The following KLRG1 variants were observed in gnomAD, a reference collection of about 807,000 sequenced individuals.
KLRG1 encodes killer cell lectin-like receptor subfamily G member 1.
Under a neutral mutation model 21.8 loss-of-function variants are expected in KLRG1, and 16 were observed. The ratio of observed to expected loss-of-function variants is 0.73; its 90% CI spans 0.50 to 1.11. The LOEUF (loss-of-function observed/expected upper bound fraction) is 1.11. KLRG1 is among the 50% of genes most tolerant of loss of function. The pLI, the probability that KLRG1 is intolerant of heterozygous loss-of-function variation, is 0.00. For missense variants in KLRG1, 173 were observed against 218.3 expected (o/e 0.79, Z 1.31); for synonymous variants, 69 against 75.9 (o/e 0.91, Z 0.47).
intron 3 of KLRG1, among the ~76,000 whole-genome samples, chr12:8,997,643 C>T (rs1363538695): frequency 6.6e-6 from 1 of 152,164 alleles, no homozygotes; most frequent in Non-Finnish European, 1.5e-5. Flanking sequence ...CCCTCTTATG[C>T]TGTTAAACGG....
chr12:9,010,727 A>G lies in KLRG1; in HGVS notation c.*1190A>G, dbSNP rs1285481583. The G allele has an allele frequency of 6.6e-6, 1 of 152,236 alleles. No homozygotes were observed. The highest frequency in any genetic ancestry group is 1.5e-5 in the Non-Finnish European group (1 of 68,052). The allele number at this position is 152,236 out of a possible 1,614,324, so 9.4% of individuals were successfully genotyped here. ...GCTTACGTTCAGTGACTATTAAATA[A>G]ATAAATGGATGAATTAAAAAGTAAG... On this transcript the variant is annotated 3_prime_UTR_variant, in exon 5 of 5. Coordinates refer to ENST00000356986, the MANE Select transcript of KLRG1 (RefSeq NM_005810.4).
chr12:9,152,115 T>C, the KLRG1 span: 1 of 888,912 alleles, frequency 1.1e-6, no homozygotes. Flanking sequence ...AAATATTTTT[T>C]TGAGGCAGGA....
the KLRG1 span, chr12:9,163,564 G>A: frequency 7.7e-7 from 1 of 1,294,662 alleles, no homozygotes; most frequent in Non-Finnish European, 1.1e-6. Context: ...TAGTCTTACA[G>A]GATGTATTGT....
At chr12:9,120,886 T>TGTGTGTGTGTGTGTGTGTGTGTGTG in the KLRG1 span, among the ~76,000 whole-genome samples, 1 of 147,964 alleles carries the variant, frequency 6.8e-6, no homozygotes, top group African/African-American at 2.5e-5. Context: ...TGTGTGTGTA[T>TGTGTGTGTGTGTGTGTGTGTGTGTG]TTTTTTTTTT....
chr12:9,107,376 G>T, the KLRG1 span: 1 of 968,498 alleles, frequency 1.0e-6, no homozygotes, highest in South Asian at 1.7e-5. Context: ...ATTGTGCTAA[G>T]TTCATGATTT....
At chr12:9,107,400 A>T in the KLRG1 span, 1 of 1,202,432 alleles carries the variant, frequency 8.3e-7, no homozygotes, top group Non-Finnish European at 1.1e-6. Flanking sequence ...TTGAAAAATT[A>T]CAATAGCCAA....
chr12:9,169,747 A>G, the KLRG1 span: 19 of 633,900 alleles, frequency 3.0e-5, no homozygotes, highest in Non-Finnish European at 1.4e-5. Context: ...CTTATATTTA[A>G]CAGTGTTGTT....
At chr12:9,068,106 C>G in the KLRG1 span, 2 of 1,479,642 alleles carry the variant, frequency 1.4e-6, no homozygotes, top group South Asian at 2.4e-5. Flanking sequence ...ATTTACCCAG[C>G]GTTTTATGAA....
At chr12:9,111,317 G>A in the KLRG1 span, among the ~76,000 whole-genome samples, 158 of 152,182 alleles carry the variant, frequency 1.0e-3, 1 homozygote, top group African/African-American at 3.7e-3. Context: ...AAATCAATAC[G>A]TATAGAATGG....
chr12:9,116,176 C>T, the KLRG1 span: 2 of 348,172 alleles, frequency 5.7e-6, no homozygotes, highest in African/African-American at 4.3e-5. Flanking sequence ...CTCTCCCTCA[C>T]TCCCCCACAA....
chr12:9,178,505 T>C, the KLRG1 span, among the ~76,000 whole-genome samples: 1 of 151,922 alleles, frequency 6.6e-6, no homozygotes, highest in African/African-American at 2.4e-5. Flanking sequence ...GGTGAAAAGG[T>C]GAAAGTTCCC....
At chr12:9,074,485 G>A in the KLRG1 span, 1 of 1,364,970 alleles carries the variant, frequency 7.3e-7, no homozygotes, top group Non-Finnish European at 1.0e-6. Flanking sequence ...TTTCTTCTTG[G>A]ATGTGTTTGT....
At chr12:9,133,215 A>G in the KLRG1 span, among the ~76,000 whole-genome samples, 1 of 152,218 alleles carries the variant, frequency 6.6e-6, no homozygotes, top group East Asian at 1.9e-4. Context: ...AGCTGGGCAC[A>G]GAGTTCAGAA....
At chr12:9,178,170 C>G in the KLRG1 span, among the ~76,000 whole-genome samples, 133 of 152,320 alleles carry the variant, frequency 8.7e-4, 1 homozygote, top group Middle Eastern at 3.4e-3. Flanking sequence ...CTGTGGTCAA[C>G]TGTGATCCAA....
At chr12:9,098,941 C>T in the KLRG1 span, among the ~76,000 whole-genome samples, 7 of 152,200 alleles carry the variant, frequency 4.6e-5, no homozygotes, top group Non-Finnish European at 1.0e-4. Context: ...TCAAGAATCA[C>T]TTGAGCCAGT....
the KLRG1 span, among the ~76,000 whole-genome samples, chr12:9,190,388 A>T: frequency 6.6e-6 from 1 of 152,208 alleles, no homozygotes; most frequent in African/African-American, 2.4e-5. Context: ...TAGCAAAATA[A>T]TGTAGGAACA....
the KLRG1 span, chr12:9,152,915 C>T: frequency 6.2e-7 from 1 of 1,614,086 alleles, no homozygotes; most frequent in East Asian, 2.2e-5. Flanking sequence ...AATGGGGAGT[C>T]CTCTTTCTCT....
the KLRG1 span, chr12:9,165,381 C>T: frequency 1.2e-5 from 20 of 1,613,382 alleles, no homozygotes; most frequent in African/African-American, 1.6e-4. Context: ...GGGAGGAGGG[C>T]AAGTGAAGAA....
At chr12:9,022,547 ATGAC>A in the KLRG1 span, among the ~76,000 whole-genome samples, 1 of 152,104 alleles carries the variant, frequency 6.6e-6, no homozygotes, top group Admixed American at 6.6e-5. Context: ...ATGCTCATGA[ATGAC>A]TGGTGGCTGG....
Sources: allele counts gnomAD v4.1 joint callset (sites outside exome capture counted in the v4.1 genomes callset), GRCh38; gene constraint gnomAD v4.1.1; transcripts MANE v1.5; gene names NCBI Gene and HGNC (gene_info 2026-07-23, HGNC 2026-07-21).